SCML2: variants seen among roughly 807,000 people sequenced by gnomAD.
SCML2 encodes Scm polycomb group protein like 2.
SCML2 carries 6 observed loss-of-function variants against 48.4 expected under a neutral mutation model. The observed-to-expected ratio is 0.12, with a 90% confidence interval of 0.07 to 0.24. The LOEUF (loss-of-function observed/expected upper bound fraction) is 0.24. Ranked by LOEUF, SCML2 falls within the 10% of genes least tolerant of loss-of-function variation. The pLI is 1.00. For synonymous variants in SCML2, 181 were observed against 189.5 expected (o/e 0.95, Z 0.37); for missense variants, 377 against 528.2 (o/e 0.71, Z 2.81).
chrX:18,241,800 G>C (rs1926274211), intron 14 of SCML2, among the ~76,000 whole-genome samples: 1 of 111,949 alleles, frequency 8.9e-6, no homozygotes, highest in Non-Finnish European at 1.9e-5. Context: ...TCATTATGTT[G>C]AAGGCTAATC....
At position 18,277,983 on chromosome X, in the gene SCML2, A is replaced by G. The variant is rs949512269; in HGVS notation, c.731-12181T>C. On this transcript the variant is annotated intron_variant, in intron 7 of 14. Coordinates refer to ENST00000251900, the MANE Select transcript of SCML2 (RefSeq NM_006089.3). ...GGAGTTCGACATCAGCCTGGGCAACATGGTAAAACCCCATCTCTACAAAAA... is the reference window on the plus strand; with the variant it reads ...GGAGTTCGACATCAGCCTGGGCAACGTGGTAAAACCCCATCTCTACAAAAA... Among the ~76,000 whole-genome samples the G allele has an allele frequency of 2.7e-5, 3 of 110,554 alleles. No homozygotes were observed. The Admixed American group carries it at 2.9e-4, about 11-fold the overall frequency.
At chrX:18,353,428 G>A (rs1335186666) in intron 1 of SCML2, among the ~76,000 whole-genome samples, 1 of 111,739 alleles carries the variant, frequency 8.9e-6, no homozygotes, top group Non-Finnish European at 1.9e-5. Context: ...ATCTGAAGCT[G>A]TTTTAGGGAA....
intron 7 of SCML2, among the ~76,000 whole-genome samples, chrX:18,292,003 A>T (rs995983271): frequency 8.9e-6 from 1 of 111,872 alleles, no homozygotes; most frequent in Non-Finnish European, 1.9e-5. Flanking sequence ...ACTCAAATCA[A>T]TAAGAAAAAA....
At chrX:18,274,481 T>A (rs1927565236) in intron 7 of SCML2, among the ~76,000 whole-genome samples, 1 of 112,316 alleles carries the variant, frequency 8.9e-6, no homozygotes, top group South Asian at 3.7e-4. Flanking sequence ...GGCTGCCCTT[T>A]CTGATCCATA....
intron 1 of SCML2, among the ~76,000 whole-genome samples, chrX:18,341,708 A>G (rs1189540619): frequency 8.9e-6 from 1 of 112,249 alleles, no homozygotes; most frequent in East Asian, 2.8e-4. Context: ...CAGAAAAAAA[A>G]AAGACAAACA....
chrX:18,306,662 TTCTC>T (rs1928767440), intron 6 of SCML2, among the ~76,000 whole-genome samples: 1 of 111,337 alleles, frequency 9.0e-6, no homozygotes, highest in African/African-American at 3.3e-5. Context: ...TCTCAACTAA[TTCTC>T]TCATCAATTT....
chrX:18,333,717 T>C (rs1929723682), intron 2 of SCML2, among the ~76,000 whole-genome samples: 1 of 111,791 alleles, frequency 8.9e-6, no homozygotes, highest in African/African-American at 3.3e-5. Flanking sequence ...TGCAAATGAG[T>C]GTGGCATATT....
At chrX:18,317,693 G>A (rs1463356514) in intron 6 of SCML2, among the ~76,000 whole-genome samples, 13 of 109,620 alleles carry the variant, frequency 1.2e-4, no homozygotes, top group Non-Finnish European at 2.3e-4. Context: ...AATTAGCCGG[G>A]CGTGGTAGCA....
At position 18,323,839 on chromosome X, in the gene SCML2, T is replaced by C. The variant is rs1364788615; in HGVS notation, c.397+20A>G. On this transcript the variant is annotated intron_variant, in intron 5 of 14. Transcript: ENST00000251900. ...TATCACATTAGAAAGAATACGCTAT[T>C]TTTAAAACTTTCTTCTTACCTAGTG... The C allele has an allele frequency of 8.9e-7, 1 of 1,126,917 alleles. No individual in the cohort carries two copies. The highest frequency in any genetic ancestry group is 2.2e-5 in the Admixed American group (1 of 45,753). The allele number at this position is 1,126,917 out of a possible 1,213,427, so 92.9% of individuals were successfully genotyped here. A position where few individuals can be genotyped will look rare whatever the true frequency, so the allele number is the denominator to read the frequency against.
chrX:18,257,455 T>C (rs1462797096), intron 10 of SCML2, among the ~76,000 whole-genome samples: 1 of 112,112 alleles, frequency 8.9e-6, no homozygotes, highest in Non-Finnish European at 1.9e-5. Flanking sequence ...ACACAGCATG[T>C]AAAACGAAGA....
intron 13 of SCML2, among the ~76,000 whole-genome samples, chrX:18,244,198 A>G (rs923953560): frequency 8.9e-6 from 1 of 112,021 alleles, no homozygotes; most frequent in Non-Finnish European, 1.9e-5. Context: ...TATCAACCCA[A>G]GTAAAAATGA....
At chrX:18,302,558 A>G (rs745476256) in intron 7 of SCML2, among the ~76,000 whole-genome samples, 2 of 111,625 alleles carry the variant, frequency 1.8e-5, no homozygotes, top group South Asian at 7.5e-4. Flanking sequence ...TTCAAGAGTG[A>G]TAATTACTGC....
At position 18,260,253 on chromosome X, in the gene SCML2, A is replaced by C; in HGVS notation, c.987T>G (p.Ala329=). The change falls in exon 9 of 15, where the codon GCT becomes GCG. Residue 329 remains alanine, a synonymous_variant. Coordinates refer to ENST00000251900, the MANE Select transcript of SCML2 (RefSeq NM_006089.3). The stretch of plus-strand genomic sequence containing the variant: ...GGTCTCTGGTCAGCGATTTTAGAGA[A>C]GCTGCAGATGTAGAACATATCACGG... ...PLPVICSTSA[A]SLKSLTRDRG... The C allele has an allele frequency of 1.7e-6, 2 of 1,206,224 alleles. No individual in the cohort carries two copies. The highest frequency in any genetic ancestry group is 2.2e-6 in the Non-Finnish European group (2 of 891,747).
chrX:18,343,923 T>TAAAAAAAAAAAAAAAAAAAAAAA, intron 1 of SCML2, among the ~76,000 whole-genome samples: 1 of 53,328 alleles, frequency 1.9e-5, no homozygotes, highest in Admixed American at 2.5e-4. Context: ...TGCCTCTATT[T>TAAAAAAAAAAAAAAAAAAAAAAA]AAAAAAAAAA....
chrX:18,313,233 C>T (rs1022941144), intron 6 of SCML2, among the ~76,000 whole-genome samples: 2 of 111,229 alleles, frequency 1.8e-5, no homozygotes, highest in African/African-American at 6.6e-5. Flanking sequence ...CAAATCTCAA[C>T]TTGAATTGTA....
At chrX:18,293,004 A>C (rs772327927) in intron 7 of SCML2, among the ~76,000 whole-genome samples, 17 of 111,611 alleles carry the variant, frequency 1.5e-4, no homozygotes, top group African/African-American at 4.9e-4. Flanking sequence ...TGTGTTTTCT[A>C]AAGTTATATG....
chrX:18,334,137 T>C, intron 1 of SCML2, 42 bp from the exon 2 acceptor site: 2 of 958,343 alleles, frequency 2.1e-6, no homozygotes, highest in South Asian at 4.7e-5. Context: ...TTTAGCATAT[T>C]AGATTTCTGA....
Position 18,240,096 on chromosome X carries a change from G to T in SCML2, c.*1155C>A, listed in dbSNP as rs989123053. The stretch of plus-strand genomic sequence containing the variant: ...GCAAATTAATTAGAAACATTGCATA[G>T]GACAGAGAACTTCCCTGTATGGAAA... On this transcript the variant is annotated 3_prime_UTR_variant, in exon 15 of 15. Transcript: ENST00000251900. 4 of 112,464 alleles carry T rather than the reference G, an allele frequency of 3.6e-5. No individual in the cohort carries two copies. The highest frequency in any genetic ancestry group is 1.3e-4 in the African/African-American group (4 of 30,967). 9.3% of individuals were successfully genotyped at this position (112,464 alleles called of 1,213,427 possible).
intron 7 of SCML2, among the ~76,000 whole-genome samples, chrX:18,267,671 C>T (rs1436033532): frequency 4.6e-5 from 5 of 108,291 alleles, no homozygotes; most frequent in Non-Finnish European, 9.6e-5. Context: ...CTGCAAGCTC[C>T]GCCTCCCGGG....
Sources: allele counts gnomAD v4.1 joint callset (sites outside exome capture counted in the v4.1 genomes callset), GRCh38; gene constraint gnomAD v4.1.1; transcripts MANE v1.5; gene names NCBI Gene and HGNC (gene_info 2026-07-23, HGNC 2026-07-21).